Variants in TNRC18 observed in about 807,000 individuals in gnomAD.
TNRC18 encodes the protein trinucleotide repeat-containing gene 18 protein.
A neutral mutation model predicts 226.7 loss-of-function variants in TNRC18; 69 were observed. The observed-to-expected ratio is 0.30, with a 90% confidence interval of 0.25 to 0.37. The LOEUF (loss-of-function observed/expected upper bound fraction) is 0.37, where lower values mean the gene tolerates loss of function less well. TNRC18 is among the 10% of genes least tolerant of loss of function. The probability of loss-of-function intolerance (pLI) is 1.00; values close to 1 mark genes in which losing one functional copy is unlikely to be tolerated. For missense variants in TNRC18, 4,754 were observed against 4,256.6 expected, an observed-to-expected ratio of 1.12 and a Z score of -3.25; for synonymous variants, 2,449 against 1,927.6, an observed-to-expected ratio of 1.27 and a Z score of -7.09.
chr7:5,354,134 CGGA>C (rs1371682810), intron 16 of TNRC18, among the ~76,000 whole-genome samples: 1 of 151,838 alleles, frequency 6.6e-6, no homozygotes, highest in Non-Finnish European at 1.5e-5. Context: ...ACCCGGGAGG[CGGA>C]GGTCGCAGTG....
At chr7:5,399,419 C>T (rs1780926821) in intron 2 of TNRC18, among the ~76,000 whole-genome samples, 1 of 152,174 alleles carries the variant, frequency 6.6e-6, no homozygotes, top group Admixed American at 6.5e-5. Flanking sequence ...ACCGTCAAAA[C>T]CTAAAACACA....
chr7:5,359,694 C>T lies in TNRC18; in HGVS notation c.4662-125G>A, dbSNP rs147481272. The stretch of plus-strand genomic sequence containing the variant: ...AGCGTGGACAGTGATGGCAGAGTGA[C>T]GGGCGTGGGGAGATGGATCTTGTAA... On this transcript the variant is annotated intron_variant, in intron 14 of 29. Transcript: ENST00000430969. The T allele has an allele frequency of 7.6e-4, 778 of 1,025,736 alleles. 6 individuals are homozygous for T. The African/African-American group carries it at 0.011, about 14-fold the overall frequency. The allele number at this position is 1,025,736 out of a possible 1,614,324, so 63.5% of individuals were successfully genotyped here.
intron 18 of TNRC18, among the ~76,000 whole-genome samples, chr7:5,341,730 C>T (rs182303827): frequency 2.2e-5 from 3 of 139,456 alleles, no homozygotes; most frequent in African/African-American, 8.1e-5. Flanking sequence ...CACCACCACA[C>T]TCCAGCCTGG....
At position 5,321,122 on chromosome 7, in the gene TNRC18, C is replaced by A. The variant is rs866007495; in HGVS notation, c.6511G>T (p.Asp2171Tyr). The change falls in exon 22 of 30, where the codon GAC (aspartate) becomes TAC (tyrosine). Residue 2171 changes from aspartate to tyrosine, a missense_variant. Coordinates refer to ENST00000430969, the MANE Select transcript of TNRC18 (RefSeq NM_001080495.3). ...ACGTGCCCGGCGTACAGCAGCTTGT[C>A]ATCCATGGGGATGAGCACACGCAGG... is the stretch of plus-strand genomic sequence containing the variant. The part of the protein sequence containing the change: ...DGLRVLIPMD[D>Y]KLLYAGHVQT... The A allele has an allele frequency of 6.4e-7, 1 of 1,556,098 alleles. No individual in the cohort carries two copies. Among genetic ancestry groups the A allele is most frequent in the South Asian group, 1.2e-5 (1 of 84,274 alleles).
At position 5,313,763 on chromosome 7, in the gene TNRC18, G is replaced by A. The variant is rs1787552213; in HGVS notation, c.7128C>T (p.Pro2376=). ...PSSTPGSKKS[P]PEPVDKRAKA... is the part of the protein sequence containing the mutation. The stretch of plus-strand genomic sequence containing the variant: ...TGGCTCGCTTGTCCACAGGCTCTGG[G>A]GGGCTCTTCTTGGAACCTGGGGTGC... The change falls in exon 27 of 30, where the codon CCC becomes CCT. Residue 2376 remains proline, a synonymous_variant. Coordinates refer to ENST00000430969, the MANE Select transcript of TNRC18 (RefSeq NM_001080495.3). The A allele has an allele frequency of 3.9e-6, 6 of 1,552,950 alleles. No homozygotes were observed. The highest frequency in any genetic ancestry group is 5.2e-6 in the Non-Finnish European group (6 of 1,150,236).
rs756866106 is a variant in TNRC18 at position 5,371,039 on chromosome 7, T to G, written c.3555A>C (p.Glu1185Asp). ...CTGCAGGGCTGGGGGTAGCCATGGC[T>G]TCCGCGGCGGGCAGTGGCAGCGGCG... ...LESPLPLPAA[E>D]AMATPSPAGG... Residue 1185 changes from glutamate to aspartate, a missense_variant, in exon 11 of 30, where the codon GAA becomes GAC. By Grantham distance (45) the Glu-to-Asp change is conservative. Transcript: ENST00000430969. 42 of 1,610,026 alleles carry G rather than the reference T, an allele frequency of 2.6e-5. 1 individual carries two copies. The highest frequency in any genetic ancestry group is 4.2e-6 in the Non-Finnish European group (5 of 1,179,636).
chr7:5,377,075 C>A lies in TNRC18; in HGVS notation c.2462-82G>T. 2 of 1,509,484 alleles carry A rather than the reference C, an allele frequency of 1.3e-6. No homozygotes were observed. The highest frequency in any genetic ancestry group is 1.8e-6 in the Non-Finnish European group (2 of 1,129,904). The allele number at this position is 1,509,484 out of a possible 1,614,324, so 93.5% of individuals were successfully genotyped here. ...TCGGGCAGCCCCAGCCCAGCACCAC[C>A]TCCCAAGTCCTGAACCTCCTGGGGC... On this transcript the variant is annotated intron_variant, in intron 7 of 29. Transcript: ENST00000430969. The surrounding 1 kb of genome is among the most constrained non-coding windows in gnomAD (Gnocchi z 5.8).
At chr7:5,311,952 T>G (rs35154591) in intron 27 of TNRC18, among the ~76,000 whole-genome samples, 1,962 of 151,972 alleles carry the variant, frequency 0.013, 21 homozygotes, top group South Asian at 0.025. Flanking sequence ...CTGACCCACA[T>G]GGGGAAACCC....
intron 10 of TNRC18, among the ~76,000 whole-genome samples, chr7:5,372,542 T>TA (rs1270563593): frequency 2.1e-3 from 269 of 128,294 alleles, no homozygotes; most frequent in South Asian, 4.0e-3. Context: ...CCATCTCTAC[T>TA]AAAAAAAAAA....
At chr7:5,404,357 C>G (rs1285442047) in intron 2 of TNRC18, among the ~76,000 whole-genome samples, 1 of 151,274 alleles carries the variant, frequency 6.6e-6, no homozygotes, top group Middle Eastern at 3.2e-3. Context: ...GGCGACAGAG[C>G]AAGACTCCGT....
At chr7:5,407,084 C>T (rs11974118) in intron 2 of TNRC18, 20,633 of 152,208 alleles carry the variant, frequency 0.14, 2,617 homozygotes, top group African/African-American at 0.33. Context: ...CTCGCAGGGA[C>T]GTCTGGGGCA....
At chr7:5,375,034 G>A (rs1182506623) in intron 9 of TNRC18, among the ~76,000 whole-genome samples, 1 of 152,174 alleles carries the variant, frequency 6.6e-6, no homozygotes, top group Non-Finnish European at 1.5e-5. Flanking sequence ...CTAGGGGCCG[G>A]GCACAGTGCT....
rs1430577737 is a variant in TNRC18, at chr7:5,389,198, C to T, written c.626G>A (p.Arg209Gln). 2 of 1,329,676 alleles carry T rather than the reference C, an allele frequency of 1.5e-6. No individual in the cohort carries two copies. The highest frequency in any genetic ancestry group is 1.7e-5 in the South Asian group (1 of 57,158). 82.4% of individuals were successfully genotyped at this position (1,329,676 alleles called of 1,614,324 possible). ...AGGCGGCTCCCCGCCGCGGCCCGCC[C>T]GCTCCTTGGCTGGACCGTCCCGCGA... ...SSSRDGPAKE[R>Q]AGRGGEPPPL... The change falls in exon 5 of 30, where the codon CGG becomes CAG. Residue 209 changes from arginine (R) to glutamine (Q), a missense_variant. Coordinates refer to ENST00000430969, the MANE Select transcript of TNRC18 (RefSeq NM_001080495.3).
Position 5,316,037 on chromosome 7 carries a change from T to C in TNRC18, c.6781A>G (p.Thr2261Ala). 1 of 1,608,850 alleles carries C rather than the reference T, an allele frequency of 6.2e-7. No homozygotes were observed. Among genetic ancestry groups the C allele is most frequent in the Admixed American group, 1.7e-5 (1 of 59,430 alleles). The change falls in exon 25 of 30, where the codon ACC becomes GCC. Residue 2261 changes from threonine (T) to alanine (A), a missense_variant. Thr to Ala is a moderately conservative substitution (Grantham distance 58, BLOSUM62 0). Transcript: ENST00000430969. The part of the protein sequence containing the change: ...LDLEDDGDLI[T>A]VEFDDGDTGR... ...GTGTCTCCGTCGTCAAACTCCACGGTGATCAAGTCCCCATCGTCCTCCAGG... is the reference window on the plus strand; with the variant it reads ...GTGTCTCCGTCGTCAAACTCCACGGCGATCAAGTCCCCATCGTCCTCCAGG...
intron 18 of TNRC18, among the ~76,000 whole-genome samples, chr7:5,334,019 C>T (rs1789830401): frequency 6.6e-6 from 1 of 152,132 alleles, no homozygotes; most frequent in Non-Finnish European, 1.5e-5. Context: ...GGCACTGCTC[C>T]CCAGGACAGG....
chr7:5,420,938 C>T, intron 2 of TNRC18, 122 bp downstream of exon 2: 1 of 1,257,994 alleles, frequency 7.9e-7, no homozygotes, highest in Non-Finnish European at 1.1e-6. Context: ...CGAGTCTGCC[C>T]GCACCCCCGT....
intron 11 of TNRC18, among the ~76,000 whole-genome samples, chr7:5,363,482 T>C (rs905819009): frequency 1.3e-5 from 2 of 150,548 alleles, no homozygotes; most frequent in African/African-American, 4.9e-5. Context: ...CGGGCGCCTG[T>C]AGCCCCAGCT....
chr7:5,345,889 T>A, intron 17 of TNRC18, 79 bp from the exon 18 acceptor site: 6 of 1,475,412 alleles, frequency 4.1e-6, no homozygotes, highest in Non-Finnish European at 5.4e-6. Context: ...TGGCCCAGAG[T>A]GGCCTCTGGG....
intron 2 of TNRC18, among the ~76,000 whole-genome samples, chr7:5,395,474 G>A (rs1198645167): frequency 1.3e-5 from 2 of 152,224 alleles, no homozygotes; most frequent in Admixed American, 6.5e-5. Flanking sequence ...CGGACAGGGT[G>A]CCTCCCAGCT....
Sources: gnomAD v4.1 joint callset for allele counts (sites outside exome capture counted in the v4.1 genomes callset) on GRCh38, gnomAD v4.1.1 for gene constraint, Gnocchi (gnomAD v3.1) non-coding constraint, MANE v1.5 for transcripts, NCBI Gene and HGNC (gene_info 2026-07-23, HGNC 2026-07-21) for gene names.